Variants in SACS observed in about 807,000 individuals in gnomAD.
The protein encoded by SACS is sacsin molecular chaperone.
SACS carries 197 observed loss-of-function variants against 348.0 expected under a neutral mutation model. The ratio of observed to expected loss-of-function variants is 0.57; its 90% CI spans 0.50 to 0.64. The LOEUF is 0.64. SACS is among the 30% of genes least tolerant of loss of function. The pLI, the probability that SACS is intolerant of heterozygous loss-of-function variation, is 0.00. For synonymous variants in SACS, 1,985 were observed against 1,910.6 expected, an observed-to-expected ratio of 1.04 and a Z score of -1.02; for missense variants, 4,999 against 5,360.8, an observed-to-expected ratio of 0.93 and a Z score of 2.11.
chr13:23,415,218 G>A (rs1159069896), intron 1 of SACS, among the ~76,000 whole-genome samples: 1 of 152,036 alleles, frequency 6.6e-6, no homozygotes, highest in Non-Finnish European at 1.5e-5. Flanking sequence ...TTTTAGTAGA[G>A]ACAGGGTTTC....
intron 9 of SACS, among the ~76,000 whole-genome samples, chr13:23,352,634 T>C (rs1455198113): frequency 6.6e-6 from 1 of 151,944 alleles, no homozygotes; most frequent in East Asian, 1.9e-4. Context: ...AAAAATATAA[T>C]ACAACATTAA....
Position 23,332,505 on chromosome 13 carries a change from A to G in SACS, c.11371T>C (p.Leu3791=). Residue 3791 remains leucine (L), a synonymous_variant, in exon 10 of 10, where the codon TTG becomes CTG. Coordinates refer to ENST00000382292, the MANE Select transcript of SACS (RefSeq NM_014363.6). The part of the protein sequence containing the change: ...SAEKREFRFQ[L]RGVAFVMVED... ...ACCATCACAAAAGCAACCCCTCGCA[A>G]CTGAAAACGAAATTCCCTTTTTTCT... 1 of 1,614,020 alleles carries G rather than the reference A, an allele frequency of 6.2e-7. No individual in the cohort carries two copies. The highest frequency in any genetic ancestry group is 8.5e-7 in the Non-Finnish European group (1 of 1,179,910).
intron 2 of SACS, among the ~76,000 whole-genome samples, chr13:23,388,023 C>A (rs558390819): frequency 6.6e-6 from 1 of 152,162 alleles, no homozygotes. Flanking sequence ...ACAACCTCTA[C>A]GGAAAACAGT....
In SACS at chr13:23,353,826, G is replaced by C. The variant is rs573652917; in HGVS notation, c.2144C>G (p.Pro715Arg). 6.2e-7 allele frequency: 1 copy of C among 1,611,466 alleles called. No individual in the cohort carries two copies. The highest frequency in any genetic ancestry group is 1.1e-5 in the South Asian group (1 of 90,968). The change falls in exon 9 of 10, where the codon CCT (proline) becomes CGT (arginine). Residue 715 changes from proline (P) to arginine (R), a missense_variant. Transcript: ENST00000382292. ...EGRFILDNLK[P>R]HLVAALKEAA... is the part of the protein sequence containing the mutation. ...TTCCTTTAAAGCAGCCACAAGGTGA[G>C]GTTTCAAGTTATCCAAAATAAATCT...
intron 5 of SACS, among the ~76,000 whole-genome samples, chr13:23,367,790 C>T (rs767652111): frequency 3.9e-5 from 6 of 152,196 alleles, no homozygotes; most frequent in South Asian, 2.1e-4. Flanking sequence ...GACGGGGTTT[C>T]GCCAAGTTGG....
chr13:23,365,164 A>G lies in SACS; in HGVS notation c.457+2T>C, dbSNP rs1870981768. On this transcript the variant is annotated splice_donor_variant, in intron 6 of 9. Coordinates refer to ENST00000382292, the MANE Select transcript of SACS (RefSeq NM_014363.6). LOFTEE classifies it high-confidence loss of function. The stretch of plus-strand genomic sequence containing the variant: ...AATTTGTTCCTAATTATTGATTCTT[A>G]CCCTGATATGGCGCCATATCTTTTG... The G allele has an allele frequency of 6.3e-7, 1 of 1,587,568 alleles. No individual in the cohort carries two copies. Among genetic ancestry groups the G allele is most frequent in the Admixed American group, 1.7e-5 (1 of 59,242 alleles).
intron 1 of SACS, among the ~76,000 whole-genome samples, chr13:23,430,207 C>CA (rs571830498): frequency 0.013 from 1,825 of 138,226 alleles, 39 homozygotes; most frequent in African/African-American, 0.044. Context: ...GACAACATCT[C>CA]AAAAAAAAAA....
At position 23,414,868 on chromosome 13, in the gene SACS, C is replaced by T. The variant is rs1318452670; in HGVS notation, c.-501-3128G>A. Among the ~76,000 whole-genome samples, 14 of 152,078 alleles carry T rather than the reference C, an allele frequency of 9.2e-5. No homozygotes were observed. The East Asian group carries it at 2.3e-3, about 25-fold the overall frequency. On this transcript the variant is annotated intron_variant, in intron 1 of 9. Transcript: ENST00000382292. ...TCTGACTTACACTGCTTGGCCAGTC[C>T]GATAGTCTCATCCATTAATAAGGGG...
chr13:23,364,768 C>T (rs958280503), intron 6 of SACS, among the ~76,000 whole-genome samples: 1 of 152,188 alleles, frequency 6.6e-6, no homozygotes, highest in African/African-American at 2.4e-5. Flanking sequence ...TCCCACCCAA[C>T]TTCCAAACAA....
chr13:23,380,159 G>C (rs963569294), intron 2 of SACS, among the ~76,000 whole-genome samples: 17 of 151,872 alleles, frequency 1.1e-4, no homozygotes, highest in African/African-American at 4.1e-4. Flanking sequence ...GAGAGAGAGA[G>C]AGAGAGAGAG....
intron 6 of SACS, among the ~76,000 whole-genome samples, chr13:23,359,678 A>C (rs1273972988): frequency 1.3e-5 from 2 of 152,154 alleles, no homozygotes; most frequent in African/African-American, 4.8e-5. Flanking sequence ...CACTCATCTT[A>C]CTTTAAAGAT....
Position 23,355,677 on chromosome 13 carries a change from C to T in SACS, c.935G>A (p.Ser312Asn), listed in dbSNP as rs1273522000. Residue 312 changes from serine to asparagine, a missense_variant, in exon 8 of 10, where the codon AGT (serine) becomes AAT (asparagine). Physicochemically the swap from Ser to Asn is conservative, Grantham distance 46 (BLOSUM62 1). Coordinates refer to ENST00000382292, the MANE Select transcript of SACS (RefSeq NM_014363.6). ...GACATATAAGGAAACATCCTGCACA[C>T]TTTTCAGAAAGAGCAGCACTGTGTC... ...DADTVLLFLK[S>N]VQDVSLYVRE... 6.2e-7 allele frequency: 1 copy of T among 1,614,078 alleles called. No individual in the cohort carries two copies. Among genetic ancestry groups the T allele is most frequent in the Non-Finnish European group, 8.5e-7 (1 of 1,180,046 alleles).
intron 5 of SACS, among the ~76,000 whole-genome samples, chr13:23,368,098 G>GGTTT (rs1037933812): frequency 2.6e-5 from 4 of 152,110 alleles, no homozygotes; most frequent in Non-Finnish European, 5.9e-5. Flanking sequence ...TTGGTTGGTT[G>GGTTT]GTTGGTTGAC....
At chr13:23,428,245 A>G (rs1874273132) in intron 1 of SACS, 2 of 152,206 alleles carry the variant, frequency 1.3e-5, no homozygotes, top group African/African-American at 4.8e-5. Context: ...GAAAGCCGCT[A>G]TCATTACAAA....
rs1344226661 is a variant in SACS, at chr13:23,350,907, T to C, written c.2185+2878A>G. Among the ~76,000 whole-genome samples, 6 of 152,166 alleles carry C rather than the reference T, an allele frequency of 3.9e-5. No individual in the cohort carries two copies. In the East Asian group the frequency reaches 1.2e-3, roughly 29 times the overall value. ...AGCAGGACTCAAAGGGACAGATGTT[T>C]AGTAGGGGCAGGACCTCTGGAAGGA... On this transcript the variant is annotated intron_variant, in intron 9 of 9. Transcript: ENST00000382292.
Position 23,334,488 on chromosome 13 carries a change from G to A in SACS, c.9388C>T (p.His3130Tyr), listed in dbSNP as rs1883701083. The change falls in exon 10 of 10, where the codon CAT becomes TAT. Residue 3130 changes from histidine (H) to tyrosine (Y), a missense_variant. His to Tyr is a moderately conservative substitution (Grantham distance 83). Around this residue, in one of 6 missense-constraint regions of SACS, gnomAD observed 734 missense variants for 694.0 expected, o/e 1.06. Transcript: ENST00000382292. ...RLQQTNLKLF[H>Y]SLKLLVDYCF... ...TAATCAACTAAAAGTTTTAAACTAT[G>A]AAAAAGTTTTAGATTAGTCTGCTGC... 1 of 1,612,972 alleles carries A rather than the reference G, an allele frequency of 6.2e-7. No individual in the cohort carries two copies. Among genetic ancestry groups the A allele is most frequent in the Non-Finnish European group, 8.5e-7 (1 of 1,179,746 alleles).
At chr13:23,410,451 T>G (rs1293282538) in intron 2 of SACS, among the ~76,000 whole-genome samples, 1 of 152,162 alleles carries the variant, frequency 6.6e-6, no homozygotes, top group Admixed American at 6.5e-5. Context: ...AGCAATACAG[T>G]GAGTTCTTTT....
Position 23,340,415 on chromosome 13 carries a change from A to G in SACS, c.3461T>C (p.Ile1154Thr). The G allele has an allele frequency of 4.3e-6, 7 of 1,613,858 alleles. No individual in the cohort carries two copies. Among genetic ancestry groups the G allele is most frequent in the Non-Finnish European group, 5.9e-6 (7 of 1,179,974 alleles). The change falls in exon 10 of 10, where the codon ATA becomes ACA. Residue 1154 changes from isoleucine to threonine, a missense_variant. Coordinates refer to ENST00000382292, the MANE Select transcript of SACS (RefSeq NM_014363.6). The part of the protein sequence containing the change: ...SSEGKMTLKK[I>T]KWVPACKERP... ...TTCCTTGCAGGCTGGAACCCATTTT[A>G]TTTTCTTCAATGTCATCTTTCCTTC...
chr13:23,338,999 C>A lies in SACS; in HGVS notation c.4877G>T (p.Gly1626Val). The change falls in exon 10 of 10, where the codon GGC (glycine) becomes GTC (valine). Residue 1626 changes from glycine (G) to valine (V), a missense_variant. Around this residue, in one of 6 missense-constraint regions of SACS, gnomAD observed 3,156 missense variants for 3,380.1 expected, o/e 0.93. Coordinates refer to ENST00000382292, the MANE Select transcript of SACS (RefSeq NM_014363.6). ...NQFKPFIDVF[G>V]CQLPLTVEAP... is the part of the protein sequence containing the mutation. ...TTCTACAGTCAAAGGTAACTGACAG[C>A]CAAATACATCTATAAATGGTTTGAA... The A allele has an allele frequency of 3.1e-6, 5 of 1,613,778 alleles. No homozygotes were observed. The highest frequency in any genetic ancestry group is 1.1e-5 in the South Asian group (1 of 91,058).
Sources: gnomAD v4.1 joint callset for allele counts (sites outside exome capture counted in the v4.1 genomes callset) on GRCh38, gnomAD v4.1.1 for gene constraint, gnomAD v4.1.1 regional missense constraint, MANE v1.5 for transcripts, NCBI Gene and HGNC (gene_info 2026-07-23, HGNC 2026-07-21) for gene names.